Variants in MTSS1 observed in about 807,000 individuals in gnomAD.
MTSS1 encodes the protein MTSS I-BAR domain containing 1, also known as protein MTSS 1.
In MTSS1, 18 loss-of-function variants were observed where a neutral mutation model predicts 79.0. The observed-to-expected ratio is 0.23, with a 90% CI of 0.16 to 0.34. MTSS1 has a LOEUF of 0.34. MTSS1 is among the 10% of genes least tolerant of loss of function. The probability of loss-of-function intolerance (pLI) is 1.00; values close to 1 mark genes in which losing one functional copy is unlikely to be tolerated. For missense variants in MTSS1, 815 were observed against 986.2 expected (o/e 0.83, Z 2.33); for synonymous variants, 341 against 368.6 (o/e 0.93, Z 0.86).
intron 1 of MTSS1, among the ~76,000 whole-genome samples, chr8:124,705,063 A>G (rs1238452876): frequency 6.6e-6 from 1 of 152,122 alleles, no homozygotes; most frequent in Non-Finnish European, 1.5e-5. Flanking sequence ...CTTCCTACAC[A>G]TGTTAAATTT....
At chr8:124,675,802 A>T (rs1229156829) in intron 3 of MTSS1, among the ~76,000 whole-genome samples, 1 of 152,230 alleles carries the variant, frequency 6.6e-6, no homozygotes, top group Non-Finnish European at 1.5e-5. Context: ...AGGTTCATCC[A>T]AGTTGTAGCA....
chr8:124,694,375 G>T (rs1828461301), intron 3 of MTSS1, among the ~76,000 whole-genome samples: 1 of 151,832 alleles, frequency 6.6e-6, no homozygotes, highest in South Asian at 2.1e-4. Flanking sequence ...AACCATCTCA[G>T]GGAAGTTTAG....
rs1250450558 is a variant in MTSS1, at chr8:124,609,317, G to C, written c.209-18082C>G. On this transcript the variant is annotated intron_variant, in intron 3 of 13. Transcript: ENST00000518547. The stretch of plus-strand genomic sequence containing the variant: ...TTTAACCAGAGGTCCTCCTACCAAC[G>C]AGTGAAATGGCAACCCCGGTCTAGA... 2.0e-5 allele frequency among the ~76,000 whole-genome samples: 3 copies of C among 152,112 alleles called. No homozygotes were observed. In the East Asian group the frequency reaches 5.8e-4, roughly 29 times the overall value.
At chr8:124,662,605 A>G (rs564891779) in intron 3 of MTSS1, among the ~76,000 whole-genome samples, 21 of 152,018 alleles carry the variant, frequency 1.4e-4, no homozygotes, top group Non-Finnish European at 2.8e-4. Context: ...AGACATACGT[A>G]CTGTCAAACA....
rs529037680 is a variant in MTSS1 at position 124,595,762 on chromosome 8, G to A, written c.209-4527C>T. 7.2e-5 allele frequency among the ~76,000 whole-genome samples: 11 copies of A among 152,156 alleles called. No individual in the cohort carries two copies. In the South Asian group the frequency reaches 2.3e-3, roughly 32 times the overall value. ...GACATCTTTGGGGCATCCTTATCAT[G>A]GCCATTAAAAAAAGGTAAGAGTTGT... On this transcript the variant is annotated intron_variant, in intron 3 of 13. Coordinates refer to ENST00000518547, the MANE Select transcript of MTSS1 (RefSeq NM_014751.6).
intron 1 of MTSS1, among the ~76,000 whole-genome samples, chr8:124,717,433 TGGCAGCGAGCCAAGA>T (rs1564051012): frequency 8.9e-4 from 134 of 150,610 alleles, no homozygotes; most frequent in African/African-American, 3.0e-3. Context: ...GAGGCAGAGG[TGGCAGCGAGCCAAGA>T]TTGCACCACT....
intron 3 of MTSS1, among the ~76,000 whole-genome samples, chr8:124,685,036 C>T (rs558283258): frequency 6.6e-6 from 1 of 152,232 alleles, no homozygotes; most frequent in South Asian, 2.1e-4. Context: ...GTGTGTTTTT[C>T]TCATGGTAAA....
intron 3 of MTSS1, among the ~76,000 whole-genome samples, chr8:124,611,092 A>C (rs1317924800): frequency 7.0e-6 from 1 of 142,216 alleles, no homozygotes; most frequent in Non-Finnish European, 1.5e-5. Context: ...CATGTGCACA[A>C]ACCCACCAGA....
At chr8:124,627,208 T>C (rs1454332212) in intron 3 of MTSS1, among the ~76,000 whole-genome samples, 1 of 152,158 alleles carries the variant, frequency 6.6e-6, no homozygotes, top group Non-Finnish European at 1.5e-5. Flanking sequence ...CTGAGCTATC[T>C]AAAAAACTGG....
intron 3 of MTSS1, among the ~76,000 whole-genome samples, chr8:124,650,083 T>G (rs995922295): frequency 4.0e-5 from 6 of 150,114 alleles, no homozygotes; most frequent in African/African-American, 1.5e-4. Context: ...CAGGCTGGAG[T>G]GCAGTGGTGC....
chr8:124,630,382 G>A lies in MTSS1; in HGVS notation c.209-39147C>T, dbSNP rs550613824. Reference sequence around the variant, plus strand: ...GAGGAAAGGTGGGGGTGGGGTGGGAGCAGGAACAGAGGGGAGGACCTGAAA... The same window carrying A: ...GAGGAAAGGTGGGGGTGGGGTGGGAACAGGAACAGAGGGGAGGACCTGAAA... On this transcript the variant is annotated intron_variant, in intron 3 of 13. Transcript: ENST00000518547. 4.6e-5 allele frequency among the ~76,000 whole-genome samples: 7 copies of A among 152,274 alleles called. 1 individual carries two copies. Among genetic ancestry groups the A allele is most frequent in the African/African-American group, 1.7e-4 (7 of 41,538 alleles).
Position 124,683,700 on chromosome 8 carries a change from T to A in MTSS1, c.208+15826A>T, listed in dbSNP as rs1018384813. ...CGGGTGGAAACATCAGAAACCATCT[T>A]ACTGACATGGTCAACCAATGGCTGA... On this transcript the variant is annotated intron_variant, in intron 3 of 13. Coordinates refer to ENST00000518547, the MANE Select transcript of MTSS1 (RefSeq NM_014751.6). The surrounding 1 kb of genome is among the most constrained non-coding windows in gnomAD (Gnocchi z 4.5). Among the ~76,000 whole-genome samples the A allele has an allele frequency of 2.6e-5, 4 of 152,184 alleles. No homozygotes were observed. The highest frequency in any genetic ancestry group is 4.4e-5 in the Non-Finnish European group (3 of 68,040).
intron 3 of MTSS1, among the ~76,000 whole-genome samples, chr8:124,636,676 C>T (rs1465540210): frequency 6.6e-6 from 1 of 152,168 alleles, no homozygotes; most frequent in Non-Finnish European, 1.5e-5. Context: ...CAGCTGTCCA[C>T]TTAGAGGTAC....
At chr8:124,666,676 C>T (rs921072341) in intron 3 of MTSS1, among the ~76,000 whole-genome samples, 10 of 152,050 alleles carry the variant, frequency 6.6e-5, no homozygotes, top group Non-Finnish European at 1.3e-4. Context: ...AGATGAAGGG[C>T]CCCTGTGATA....
At chr8:124,572,569 C>G (rs955662125) in intron 6 of MTSS1, among the ~76,000 whole-genome samples, 2 of 152,006 alleles carry the variant, frequency 1.3e-5, no homozygotes, top group East Asian at 1.9e-4. Context: ...CCTGGCTATT[C>G]CAGCTCCCAC....
At chr8:124,603,932 T>C (rs1207230834) in intron 3 of MTSS1, among the ~76,000 whole-genome samples, 1 of 152,094 alleles carries the variant, frequency 6.6e-6, no homozygotes, top group African/African-American at 2.4e-5. Flanking sequence ...GGGCCACACT[T>C]AAAATACACT....
intron 10 of MTSS1, among the ~76,000 whole-genome samples, chr8:124,559,659 T>C (rs1563747027): frequency 6.6e-6 from 1 of 152,168 alleles, no homozygotes; most frequent in Non-Finnish European, 1.5e-5. Flanking sequence ...GCAGGGACTG[T>C]TCCTATGATC....
At chr8:124,692,378 GAA>G (rs5894720) in intron 3 of MTSS1, among the ~76,000 whole-genome samples, 11 of 147,544 alleles carry the variant, frequency 7.5e-5, no homozygotes, top group African/African-American at 1.5e-4. Flanking sequence ...TTTTTAAAAA[GAA>G]AAAAAAAAAG....
At chr8:124,574,710 C>G (rs915492170) in intron 6 of MTSS1, among the ~76,000 whole-genome samples, 2 of 152,176 alleles carry the variant, frequency 1.3e-5, no homozygotes, top group African/African-American at 2.4e-5. Context: ...AAAGGGCTCT[C>G]CAACGGGGAA....
Sources: allele counts gnomAD v4.1 joint callset (sites outside exome capture counted in the v4.1 genomes callset), GRCh38; gene constraint gnomAD v4.1.1; non-coding constraint Gnocchi (gnomAD v3.1); transcripts MANE v1.5; gene names NCBI Gene and HGNC (gene_info 2026-07-23, HGNC 2026-07-21).